CPNE4: variants seen among roughly 807,000 people sequenced by gnomAD.
CPNE4 encodes copine 4.
Under a neutral mutation model 67.9 loss-of-function variants are expected in CPNE4, and 25 were observed. The ratio of observed to expected loss-of-function variants is 0.37; its 90% CI spans 0.27 to 0.51. The LOEUF (loss-of-function observed/expected upper bound fraction) is 0.51. Among genes scored for constraint, CPNE4 ranks in the 20% least tolerant of loss-of-function variants. CPNE4 has a pLI of 0.93. For missense variants in CPNE4, 464 were observed against 690.8 expected, an observed-to-expected ratio of 0.67 and a Z score of 3.68; for synonymous variants, 242 against 244.9, an observed-to-expected ratio of 0.99 and a Z score of 0.11.
chr3:131,726,122 T>C (rs2081994304), intron 2 of CPNE4, among the ~76,000 whole-genome samples: 1 of 152,062 alleles, frequency 6.6e-6, no homozygotes, highest in East Asian at 1.9e-4. Context: ...TGGAAGAGAG[T>C]GCTGAATAGG....
chr3:131,816,509 T>C (rs1560383818), intron 2 of CPNE4, among the ~76,000 whole-genome samples: 1 of 152,212 alleles, frequency 6.6e-6, no homozygotes, highest in African/African-American at 2.4e-5. Context: ...TCTTCTCAGA[T>C]GAAAACTGCA....
At chr3:131,595,516 A>G (rs1187672083) in intron 7 of CPNE4, among the ~76,000 whole-genome samples, 1 of 152,194 alleles carries the variant, frequency 6.6e-6, no homozygotes, top group Non-Finnish European at 1.5e-5. Context: ...TCTGCAAGCT[A>G]TACAGAAAGC....
At chr3:131,665,886 A>C (rs937079655) in intron 7 of CPNE4, among the ~76,000 whole-genome samples, 1 of 152,168 alleles carries the variant, frequency 6.6e-6, no homozygotes, top group Non-Finnish European at 1.5e-5. Flanking sequence ...AATGAATGAA[A>C]AGACATGCCA....
At position 131,949,456 on chromosome 3, in the gene CPNE4, G is replaced by A. The variant is rs1350685563; in HGVS notation, c.-1-44012C>T. On this transcript the variant is annotated intron_variant, in intron 1 of 15. Coordinates refer to ENST00000429747, the MANE Select transcript of CPNE4 (RefSeq NM_130808.3). ...CCAATTAAAATACTCAGTGAAACAC[G>A]AAAAGATATGCAAAGTTTTAGGAGT... Among the ~76,000 whole-genome samples the A allele has an allele frequency of 3.9e-5, 6 of 152,202 alleles. No individual in the cohort carries two copies. The South Asian group carries it at 6.2e-4, about 16-fold the overall frequency.
At chr3:131,795,806 T>C (rs988601903) in intron 2 of CPNE4, among the ~76,000 whole-genome samples, 3 of 152,186 alleles carry the variant, frequency 2.0e-5, no homozygotes, top group Non-Finnish European at 2.9e-5. Flanking sequence ...TTTAAAAATA[T>C]TTATGACTCC....
intron 1 of CPNE4, among the ~76,000 whole-genome samples, chr3:131,951,248 A>G (rs1329982335): frequency 6.6e-6 from 1 of 152,140 alleles, no homozygotes; most frequent in Non-Finnish European, 1.5e-5. Context: ...TATTATAAAG[A>G]TTGTGTTATT....
At chr3:131,704,503 A>G (rs2107710860) in intron 3 of CPNE4, among the ~76,000 whole-genome samples, 1 of 152,088 alleles carries the variant, frequency 6.6e-6, no homozygotes, top group South Asian at 2.1e-4. Flanking sequence ...TAACTAATGC[A>G]CCCTTTATTT....
intron 1 of CPNE4, among the ~76,000 whole-genome samples, chr3:131,919,649 T>C (rs1271654487): frequency 2.0e-5 from 3 of 152,204 alleles, no homozygotes; most frequent in Non-Finnish European, 4.4e-5. Context: ...TTACAATGTG[T>C]GCACTATTCT....
chr3:131,537,601 C>T, intron 15 of CPNE4: 1 of 303,474 alleles, frequency 3.3e-6, no homozygotes, highest in East Asian at 1.2e-4. Flanking sequence ...TTGTACATTT[C>T]TGATGAACAT....
At chr3:132,039,239 G>C (rs1238215899), upstream of CPNE4, among the ~76,000 whole-genome samples, 1 of 152,168 alleles carries the variant, frequency 6.6e-6, no homozygotes, top group Non-Finnish European at 1.5e-5. Flanking sequence ...AGGAGATACT[G>C]AATCAGCTGG....
intron 3 of CPNE4, among the ~76,000 whole-genome samples, chr3:131,719,298 A>C (rs2081819975): frequency 6.6e-6 from 1 of 152,212 alleles, no homozygotes; most frequent in Admixed American, 6.5e-5. Context: ...CCCTGTCAAG[A>C]CATTAAATCT....
chr3:131,723,059 A>C (rs2081926555), intron 3 of CPNE4, among the ~76,000 whole-genome samples: 2 of 152,252 alleles, frequency 1.3e-5, no homozygotes, highest in South Asian at 4.1e-4. Context: ...AATGAGAAAT[A>C]CTTGCTGCAT....
chr3:132,019,377 G>T (rs1313299316), intron 1 of CPNE4, among the ~76,000 whole-genome samples: 1 of 152,134 alleles, frequency 6.6e-6, no homozygotes, highest in Non-Finnish European at 1.5e-5. Flanking sequence ...CCACCTTGGT[G>T]AGTAAGAGAA....
chr3:131,949,168 T>A (rs2071646254), intron 1 of CPNE4, among the ~76,000 whole-genome samples: 1 of 152,196 alleles, frequency 6.6e-6, no homozygotes, highest in Non-Finnish European at 1.5e-5. Flanking sequence ...GCTAAGCCCA[T>A]CTCTATGATT....
At chr3:131,601,503 A>C (rs1939205355) in intron 7 of CPNE4, among the ~76,000 whole-genome samples, 1 of 152,154 alleles carries the variant, frequency 6.6e-6, no homozygotes, top group African/African-American at 2.4e-5. Flanking sequence ...GGCTTCCAAG[A>C]GCAAATAAAA....
At chr3:131,762,759 TA>T in intron 2 of CPNE4, among the ~76,000 whole-genome samples, 1 of 152,098 alleles carries the variant, frequency 6.6e-6, no homozygotes, top group East Asian at 1.9e-4. Context: ...CATAAAAGAA[TA>T]TCATTACTTT....
intron 2 of CPNE4, among the ~76,000 whole-genome samples, chr3:131,773,885 T>G (rs1275491727): frequency 3.9e-5 from 6 of 152,172 alleles, no homozygotes. Context: ...TTACAAATAT[T>G]TTAAATGGTT....
At chr3:131,839,358 T>C (rs1016482253) in intron 2 of CPNE4, among the ~76,000 whole-genome samples, 3 of 151,748 alleles carry the variant, frequency 2.0e-5, no homozygotes, top group Admixed American at 1.3e-4. Flanking sequence ...TATAACACCA[T>C]GGGAAAATGC....
Position 131,644,967 on chromosome 3 carries a change from C to A in CPNE4, c.681+24708G>T, listed in dbSNP as rs1300997525. Among the ~76,000 whole-genome samples the A allele has an allele frequency of 2.6e-5, 4 of 152,172 alleles. No homozygotes were observed. In the East Asian group the frequency reaches 7.7e-4, roughly 29 times the overall value. ...AGGAAGAGGAGACCAAGAGTAATGT[C>A]ACACAAGCAAAAAGCTTCTGATGAA... On this transcript the variant is annotated intron_variant, in intron 7 of 15. Transcript: ENST00000429747.
Sources: allele counts gnomAD v4.1 joint callset (sites outside exome capture counted in the v4.1 genomes callset), GRCh38; gene constraint gnomAD v4.1.1; transcripts MANE v1.5; gene names NCBI Gene and HGNC (gene_info 2026-07-23, HGNC 2026-07-21).